The following MED20 variants were observed in gnomAD, a reference collection of about 807,000 sequenced individuals.
MED20 encodes mediator complex subunit 20.
In MED20, 19 loss-of-function variants were observed where a neutral mutation model predicts 19.7. The ratio of observed to expected loss-of-function variants is 0.96; its 90% CI spans 0.67 to 1.42. MED20 has a LOEUF of 1.42. Among genes scored for constraint, MED20 ranks in the 40% most tolerant of loss-of-function variants. The probability of loss-of-function intolerance (pLI) is 0.00; values close to 1 mark genes in which losing one functional copy is unlikely to be tolerated. For synonymous variants in MED20, 105 were observed against 104.8 expected (o/e 1.00, Z -0.01); for missense variants, 225 against 273.0 (o/e 0.82, Z 1.24).
At chr6:41,920,929 C>G in intron 1 of MED20, 76 bp downstream of exon 1, 1 of 1,547,852 alleles carries the variant, frequency 6.5e-7, no homozygotes, top group Non-Finnish European at 8.8e-7. Flanking sequence ...CAGAGGACGG[C>G]GGACCATGGT....
In MED20 at chr6:41,921,077, C is replaced by G; in HGVS notation, c.-59G>C. 1 of 1,601,122 alleles carries G rather than the reference C, an allele frequency of 6.2e-7. No homozygotes were observed. Among genetic ancestry groups the G allele is most frequent in the Non-Finnish European group, 8.5e-7 (1 of 1,173,606 alleles). ...GTAGAAACGCAGGGTTCCCTGTCCG[C>G]CCACAGAAACTCCTTCAGTTCCCCA... On this transcript the variant is annotated 5_prime_UTR_variant, in exon 1 of 4. Coordinates refer to ENST00000265350, the MANE Select transcript of MED20 (RefSeq NM_004275.5).
At chr6:41,911,589 A>G (rs986245198) in intron 2 of MED20, among the ~76,000 whole-genome samples, 4 of 152,200 alleles carry the variant, frequency 2.6e-5, no homozygotes. Flanking sequence ...AAAAAAAAGT[A>G]GGATTTGAAC....
Sources: allele counts gnomAD v4.1 joint callset (sites outside exome capture counted in the v4.1 genomes callset), GRCh38; gene constraint gnomAD v4.1.1; transcripts MANE v1.5; gene names NCBI Gene and HGNC (gene_info 2026-07-23, HGNC 2026-07-21).